The following FBXO32 variants were observed in gnomAD, a reference collection of about 807,000 sequenced individuals.
FBXO32 encodes the protein F-box only protein 32.
FBXO32 carries 15 observed loss-of-function variants against 48.3 expected under a neutral mutation model. The ratio of observed to expected loss-of-function variants is 0.31; its 90% CI spans 0.21 to 0.48. The LOEUF (loss-of-function observed/expected upper bound fraction) is 0.48. Ranked by LOEUF, FBXO32 falls within the 20% of genes least tolerant of loss-of-function variation. FBXO32 has a pLI of 0.99. For missense variants in FBXO32, 309 were observed against 432.7 expected, an observed-to-expected ratio of 0.71 and a Z score of 2.54; for synonymous variants, 154 against 165.9, an observed-to-expected ratio of 0.93 and a Z score of 0.55.
At chr8:123,523,746 G>A (rs2130538630) in intron 4 of FBXO32, among the ~76,000 whole-genome samples, 1 of 152,270 alleles carries the variant, frequency 6.6e-6, no homozygotes, top group African/African-American at 2.4e-5. Context: ...AGCAGTCTCT[G>A]AAGTGGTACT....
chr8:123,533,045 C>T lies in FBXO32; in HGVS notation c.279+146G>A, dbSNP rs565331591. On this transcript the variant is annotated intron_variant, in intron 3 of 8. Coordinates refer to ENST00000517956, the MANE Select transcript of FBXO32 (RefSeq NM_058229.4). ...CTCTGTTCTAAACTCTGATGGTTGGCTAAATAATAGACTAATAGCTGCCAT... is the reference window on the plus strand; with the variant it reads ...CTCTGTTCTAAACTCTGATGGTTGGTTAAATAATAGACTAATAGCTGCCAT... 9.5e-6 allele frequency: 6 copies of T among 631,550 alleles called. No homozygotes were observed. The Admixed American group carries it at 1.5e-4, about 16-fold the overall frequency. The allele number at this position is 631,550 out of a possible 1,614,324, so 39.1% of individuals were successfully genotyped here.
chr8:123,536,747 T>C (rs145923037), intron 1 of FBXO32, among the ~76,000 whole-genome samples: 1 of 152,338 alleles, frequency 6.6e-6, no homozygotes, highest in Non-Finnish European at 1.5e-5. Context: ...TAAGGTTCAG[T>C]AGCAGATTTT....
intron 1 of FBXO32, among the ~76,000 whole-genome samples, chr8:123,539,493 T>C (rs1446793296): frequency 6.6e-6 from 1 of 152,218 alleles, no homozygotes; most frequent in Non-Finnish European, 1.5e-5. Context: ...GATTTCCTTA[T>C]GGTGGTCCCT....
In FBXO32 at chr8:123,506,247, A is replaced by ACTCCTT. The variant is rs1816615797; in HGVS notation, c.834+139_834+144dup. 5.6e-6 allele frequency: 5 copies of ACTCCTT among 892,344 alleles called. No individual in the cohort carries two copies. The Admixed American group carries it at 1.3e-4, about 24-fold the overall frequency. 55.3% of individuals were successfully genotyped at this position (892,344 alleles called of 1,614,324 possible). A position where few individuals can be genotyped will look rare whatever the true frequency, so the allele number is the denominator to read the frequency against. On this transcript the variant is annotated intron_variant, in intron 7 of 8. Coordinates refer to ENST00000517956, the MANE Select transcript of FBXO32 (RefSeq NM_058229.4). This position sits in a 1 kb window ranked among gnomAD's most constrained non-coding sequence, Gnocchi z 4.0. ...CTGTCTCAAAAAACAAAATCACAAA[A>ACTCCTT]CTCCTTCAACTGTCATTTTTCAGTC...
rs35151201 is a variant in FBXO32 at position 123,530,972 on chromosome 8, A to AT, written c.372+925dup. ...AATGGAAAGCAACAGATCCAGTCAG[A>AT]TTTTTTTTTTTTTTTTTTTTTTTTT... On this transcript the variant is annotated intron_variant, in intron 4 of 8. Transcript: ENST00000517956. Among the ~76,000 whole-genome samples, 494 of 68,984 alleles carry AT rather than the reference A, an allele frequency of 7.2e-3. 8 individuals carry two copies. The highest frequency in any genetic ancestry group is 0.012 in the Middle Eastern group (1 of 86). 45.3% of individuals were successfully genotyped at this position (68,984 alleles called of 152,430 possible). A position where few individuals can be genotyped will look rare whatever the true frequency, so the allele number is the denominator to read the frequency against.
At chr8:123,527,127 A>C (rs1053537177) in intron 4 of FBXO32, 3 of 152,240 alleles carry the variant, frequency 2.0e-5, no homozygotes, top group Admixed American at 1.3e-4. Context: ...TTCTTAGCTC[A>C]TGGGCCATAC....
intron 4 of FBXO32, among the ~76,000 whole-genome samples, chr8:123,517,201 G>A (rs1355485788): frequency 6.6e-6 from 1 of 152,204 alleles, no homozygotes; most frequent in Admixed American, 6.5e-5. Context: ...AAGGCAGCCA[G>A]AGCTCTGCCT....
At position 123,525,077 on chromosome 8, in the gene FBXO32, T is replaced by C. The variant is rs1233599484; in HGVS notation, c.372+6821A>G. ...GGCTTGGCAACAGCATGCCCTTAAT[T>C]TAAGGCATTGAATTTAAATTTGAGT... On this transcript the variant is annotated intron_variant, in intron 4 of 8. Transcript: ENST00000517956. This position sits in a 1 kb window ranked among gnomAD's most constrained non-coding sequence, Gnocchi z 4.3. 1.3e-5 allele frequency among the ~76,000 whole-genome samples: 2 copies of C among 152,206 alleles called. No homozygotes were observed. The highest frequency in any genetic ancestry group is 2.9e-5 in the Non-Finnish European group (2 of 68,044).
At chr8:123,519,476 G>A (rs1160627147) in intron 4 of FBXO32, among the ~76,000 whole-genome samples, 3 of 151,166 alleles carry the variant, frequency 2.0e-5, no homozygotes, top group East Asian at 2.0e-4. Flanking sequence ...GCGTGAACCC[G>A]GGAGGCAGAG....
intron 1 of FBXO32, among the ~76,000 whole-genome samples, chr8:123,537,495 AAG>A (rs1817330274): frequency 6.6e-6 from 1 of 152,184 alleles, no homozygotes; most frequent in Non-Finnish European, 1.5e-5. Context: ...GCAGATAAAG[AAG>A]GGAATGAAAA....
At position 123,531,880 on chromosome 8, in the gene FBXO32, T is replaced by A. The variant is rs771622385; in HGVS notation, c.372+18A>T. On this transcript the variant is annotated intron_variant, in intron 4 of 8. Transcript: ENST00000517956. Reference sequence around the variant, plus strand: ...TTGGGAAAGAGCCTGGATGAGCCTTTAGGCACTTGAGACTTACCCGGACCA... The same window carrying A: ...TTGGGAAAGAGCCTGGATGAGCCTTAAGGCACTTGAGACTTACCCGGACCA... 6.2e-7 allele frequency: 1 copy of A among 1,613,628 alleles called. No homozygotes were observed. Among genetic ancestry groups the A allele is most frequent in the Non-Finnish European group, 8.5e-7 (1 of 1,179,820 alleles).
intron 1 of FBXO32, 33 bp from the exon 2 acceptor site, chr8:123,534,847 G>C (rs1197494125): frequency 7.1e-7 from 1 of 1,400,296 alleles, no homozygotes; most frequent in South Asian, 1.2e-5. Flanking sequence ...AGGATGAGCT[G>C]TAACAGCTAT....
At chr8:123,526,162 C>T (rs914816660) in intron 4 of FBXO32, among the ~76,000 whole-genome samples, 25 of 151,786 alleles carry the variant, frequency 1.6e-4, no homozygotes, top group Admixed American at 3.9e-4. Context: ...TACAGATGGG[C>T]GAGTGAGGCC....
At position 123,513,192 on chromosome 8, in the gene FBXO32, G is replaced by A. The variant is rs757604245; in HGVS notation, c.651+6C>T. On this transcript the variant is annotated splice_donor_region_variant and intron_variant, in intron 6 of 8. Coordinates refer to ENST00000517956, the MANE Select transcript of FBXO32 (RefSeq NM_058229.4). The surrounding 1 kb of genome is among the most constrained non-coding windows in gnomAD (Gnocchi z 4.3). ...TGCCGGGAGGAGGCTGGGCCTGCCC[G>A]CTTACCCTGGTGATCTGAATGTTGT... 17 of 1,613,726 alleles carry A rather than the reference G, an allele frequency of 1.1e-5. No individual in the cohort carries two copies. Among genetic ancestry groups the A allele is most frequent in the Middle Eastern group, 1.6e-4 (1 of 6,076 alleles).
chr8:123,513,198 C>G lies in FBXO32; in HGVS notation c.651G>C (p.Arg217Ser). The change falls in exon 6 of 9, where the codon AGG becomes AGC. Residue 217 changes from arginine to serine, a missense_variant and splice_region_variant. Arg to Ser is a moderately radical substitution (Grantham distance 110). Transcript: ENST00000517956. The surrounding 1 kb of genome is among the most constrained non-coding windows in gnomAD (Gnocchi z 4.3). ...GAGGAGGCTGGGCCTGCCCGCTTAC[C>G]CTGGTGATCTGAATGTTGTTCAGCT... The part of the protein sequence containing the change: ...QQQLNNIQIT[R>S]PAFKGLTFTD... 3 of 1,613,976 alleles carry G rather than the reference C, an allele frequency of 1.9e-6. No homozygotes were observed. The highest frequency in any genetic ancestry group is 2.5e-6 in the Non-Finnish European group (3 of 1,179,878).
rs528008257 is a variant in FBXO32 at position 123,530,939 on chromosome 8, C to T, written c.372+959G>A. ...GCCTTTTTTTTTTTTTCTCAAAATA[C>T]GGTTTAAAATGGAAAGCAACAGATC... On this transcript the variant is annotated intron_variant, in intron 4 of 8. Transcript: ENST00000517956. Among the ~76,000 whole-genome samples the T allele has an allele frequency of 1.6e-4, 20 of 127,720 alleles. No individual in the cohort carries two copies. The South Asian group carries it at 3.1e-3, about 20-fold the overall frequency. 83.8% of individuals were successfully genotyped at this position (127,720 alleles called of 152,430 possible).
At chr8:123,520,349 T>C (rs1481508073) in intron 4 of FBXO32, among the ~76,000 whole-genome samples, 1 of 152,172 alleles carries the variant, frequency 6.6e-6, no homozygotes, top group Non-Finnish European at 1.5e-5. Context: ...AGGAGGCTTC[T>C]CGGCTCCTCT....
At position 123,502,203 on chromosome 8, in the gene FBXO32, C is replaced by T. The variant is rs1479056032; in HGVS notation, c.*1170G>A. On this transcript the variant is annotated 3_prime_UTR_variant, in exon 9 of 9. Transcript: ENST00000517956. ...TGTTGGACCTAAAGAAAAGAAGCTC[C>T]TCAGCTCATCCCCTTGGCAAGGGGT... The T allele has an allele frequency of 6.6e-6, 1 of 152,204 alleles. No homozygotes were observed. The highest frequency in any genetic ancestry group is 1.5e-5 in the Non-Finnish European group (1 of 68,044). The allele number at this position is 152,204 out of a possible 1,614,324, so 9.4% of individuals were successfully genotyped here.
In FBXO32 at chr8:123,541,133, G is replaced by T; in HGVS notation, c.-119C>A. The T allele has an allele frequency of 2.0e-6, 1 of 511,626 alleles. No individual in the cohort carries two copies. The highest frequency in any genetic ancestry group is 5.1e-5 in the South Asian group (1 of 19,632). The allele number at this position is 511,626 out of a possible 1,614,324, so 31.7% of individuals were successfully genotyped here. A position where few individuals can be genotyped will look rare whatever the true frequency, so the allele number is the denominator to read the frequency against. On this transcript the variant is annotated 5_prime_UTR_variant, in exon 1 of 9. Coordinates refer to ENST00000517956, the MANE Select transcript of FBXO32 (RefSeq NM_058229.4). ...CCCGCGACGGGGGCGGCGGGGCGGC[G>T]GGAACGGCGCGGGGCACCCTGCGGG...
Sources: allele counts gnomAD v4.1 joint callset (sites outside exome capture counted in the v4.1 genomes callset), GRCh38; gene constraint gnomAD v4.1.1; non-coding constraint Gnocchi (gnomAD v3.1); transcripts MANE v1.5; gene names NCBI Gene and HGNC (gene_info 2026-07-23, HGNC 2026-07-21).